Variants in ARSF observed in about 807,000 individuals in gnomAD.
ARSF encodes arylsulfatase F.
In ARSF, 33 loss-of-function variants were observed where a neutral mutation model predicts 35.4. That is an observed-to-expected ratio of 0.93 (90% CI 0.71 to 1.25). The LOEUF (loss-of-function observed/expected upper bound fraction) is 1.25, where lower values mean the gene tolerates loss of function less well. ARSF is among the 50% of genes most tolerant of loss of function. The pLI, the probability that ARSF is intolerant of heterozygous loss-of-function variation, is 0.00. For missense variants in ARSF, 501 were observed against 480.2 expected, an observed-to-expected ratio of 1.04 and a Z score of -0.40; for synonymous variants, 222 against 193.1, an observed-to-expected ratio of 1.15 and a Z score of -1.24.
intron 6 of ARSF, among the ~76,000 whole-genome samples, chrX:3,086,407 G>A (rs756561658): frequency 1.3e-3 from 147 of 112,396 alleles, no homozygotes; most frequent in Admixed American, 2.1e-3. Flanking sequence ...CAATGGTGAA[G>A]AGGAAATATA....
Position 3,089,566 on chromosome X carries a change from G to T in ARSF, c.901G>T (p.Asp301Tyr). Reference sequence around the variant, plus strand: ...GCACACACCTCTCCCCACCACGGACGATTTCACTGGCACCAGCAAGCATGG... The same window carrying T: ...GCACACACCTCTCCCCACCACGGACTATTTCACTGGCACCAGCAAGCATGG... ...HVHTPLPTTD[D>Y]FTGTSKHGLY... Residue 301 changes from aspartate (D) to tyrosine (Y), a missense_variant, in exon 7 of 11, where the codon GAT (aspartate) becomes TAT (tyrosine). Coordinates refer to ENST00000381127, the MANE Select transcript of ARSF (RefSeq NM_001201539.2). The T allele has an allele frequency of 4.1e-6, 5 of 1,211,363 alleles. No homozygotes were observed. The highest frequency in any genetic ancestry group is 5.6e-6 in the Non-Finnish European group (5 of 895,224).
rs760639553 is a variant in ARSF, at chrX:3,051,019, A to T, written c.-29+9356A>T. On this transcript the variant is annotated intron_variant, in intron 1 of 10. Transcript: ENST00000381127. ...GCTGACTGTGACCAATTATTATTTT[A>T]GAGAGACAGTTTAATAACCGCCTGA... Among the ~76,000 whole-genome samples the T allele has an allele frequency of 4.4e-4, 49 of 111,321 alleles. 1 individual carries two copies. Among genetic ancestry groups the T allele is most frequent in the South Asian group, 1.2e-3 (3 of 2,607 alleles).
At chrX:3,067,783 C>T (rs773236566) in intron 1 of ARSF, among the ~76,000 whole-genome samples, 2 of 107,787 alleles carry the variant, frequency 1.9e-5, no homozygotes, top group South Asian at 8.3e-4. Flanking sequence ...GGCTTGAACC[C>T]GGGAGGCAGA....
chrX:3,060,762 G>GA (rs1169656134), intron 1 of ARSF, among the ~76,000 whole-genome samples: 1 of 111,298 alleles, frequency 9.0e-6, no homozygotes, highest in Non-Finnish European at 1.9e-5. Flanking sequence ...GAAGTTTAGA[G>GA]AAAAAAGAGT....
At position 3,109,980 on chromosome X, in the gene ARSF, G is replaced by A. The variant is rs1335567159; in HGVS notation, c.1266-148G>A. Reference sequence around the variant, plus strand: ...GTCCACTGGAGTGTAATCTCCCAGAGAGCATGCATGAGTTTTCCTAAAGAC... The same window carrying A: ...GTCCACTGGAGTGTAATCTCCCAGAAAGCATGCATGAGTTTTCCTAAAGAC... On this transcript the variant is annotated intron_variant, in intron 9 of 10. Coordinates refer to ENST00000381127, the MANE Select transcript of ARSF (RefSeq NM_001201539.2). 3 of 413,522 alleles carry A rather than the reference G, an allele frequency of 7.3e-6. No homozygotes were observed. The East Asian group carries it at 1.5e-4, about 21-fold the overall frequency. The allele number at this position is 413,522 out of a possible 1,213,427, so 34.1% of individuals were successfully genotyped here. A position where few individuals can be genotyped will look rare whatever the true frequency, so the allele number is the denominator to read the frequency against.
chrX:3,093,557 G>A (rs1262873660), intron 7 of ARSF, among the ~76,000 whole-genome samples: 1 of 112,115 alleles, frequency 8.9e-6, no homozygotes, highest in African/African-American at 3.2e-5. Flanking sequence ...ATAGCCTCCA[G>A]CTGTATCCAT....
At chrX:3,080,867 T>C (rs775143829) in intron 4 of ARSF, 24 bp from the exon 5 acceptor site, 1 of 1,208,368 alleles carries the variant, frequency 8.3e-7, no homozygotes, top group East Asian at 3.0e-5. Flanking sequence ...CTACTCATTG[T>C]ACTTTTTTCC....
chrX:3,062,197 T>C (rs1484521954), intron 1 of ARSF, among the ~76,000 whole-genome samples: 1 of 112,289 alleles, frequency 8.9e-6, no homozygotes, highest in Non-Finnish European at 1.9e-5. Flanking sequence ...TGCTCCTGAA[T>C]GACTACTGGG....
chrX:3,103,339 A>G (rs183411767), intron 8 of ARSF, among the ~76,000 whole-genome samples: 4 of 111,648 alleles, frequency 3.6e-5, no homozygotes, highest in Non-Finnish European at 7.5e-5. Context: ...GCCATTTCAA[A>G]TAAAATGTTC....
intron 9 of ARSF, among the ~76,000 whole-genome samples, chrX:3,107,972 C>T (rs1165747613): frequency 1.8e-5 from 2 of 111,709 alleles, no homozygotes; most frequent in African/African-American, 6.5e-5. Flanking sequence ...GCTTATGGTC[C>T]ACATTGAGTT....
At chrX:3,097,623 G>A (rs1031359987) in intron 7 of ARSF, among the ~76,000 whole-genome samples, 13 of 112,115 alleles carry the variant, frequency 1.2e-4, no homozygotes, top group African/African-American at 4.2e-4. Context: ...TATTATTAAT[G>A]CCAAAAGTTG....
chrX:3,092,204 CATACATAG>C (rs1454345993), intron 7 of ARSF, among the ~76,000 whole-genome samples: 5 of 109,487 alleles, frequency 4.6e-5, no homozygotes, highest in African/African-American at 1.0e-4. Context: ...TACATACATA[CATACATAG>C]ATACATAGAT....
Position 3,099,656 on chromosome X carries a change from T to TA in ARSF, c.968-1428dup, listed in dbSNP as rs761711058. Reference sequence around the variant, plus strand: ...TGGTGTCTTCCAGTTTTCTCCACTGTAAAGTTACTTATTTTGTCATTACTT... The same window carrying TA: ...TGGTGTCTTCCAGTTTTCTCCACTGTAAAAGTTACTTATTTTGTCATTACTT... On this transcript the variant is annotated intron_variant, in intron 7 of 10. Coordinates refer to ENST00000381127, the MANE Select transcript of ARSF (RefSeq NM_001201539.2). 3.6e-5 allele frequency among the ~76,000 whole-genome samples: 4 copies of TA among 111,664 alleles called. No homozygotes were observed. In the East Asian group the frequency reaches 1.1e-3, roughly 31 times the overall value.
intron 6 of ARSF, among the ~76,000 whole-genome samples, chrX:3,084,963 A>T (rs1463128282): frequency 8.9e-6 from 1 of 111,754 alleles, no homozygotes; most frequent in Non-Finnish European, 1.9e-5. Flanking sequence ...TAATGCATTA[A>T]TAAAAATAAT....
chrX:3,065,079 T>C (rs974018601), intron 1 of ARSF, among the ~76,000 whole-genome samples: 3 of 111,476 alleles, frequency 2.7e-5, no homozygotes, highest in African/African-American at 9.8e-5. Context: ...ACCTGGCACA[T>C]AGACACCATG....
chrX:3,072,776 TATAA>T (rs1353704427), intron 3 of ARSF, among the ~76,000 whole-genome samples: 1 of 107,976 alleles, frequency 9.3e-6, no homozygotes, highest in Non-Finnish European at 1.9e-5. Context: ...AATGTCATTA[TATAA>T]ATATATGTGA....
At chrX:3,100,923 G>A (rs1452210251) in intron 7 of ARSF, among the ~76,000 whole-genome samples, 164 bp from the exon 8 acceptor site, 1 of 111,932 alleles carries the variant, frequency 8.9e-6, no homozygotes, top group Admixed American at 9.5e-5. Flanking sequence ...TCTTTCAATG[G>A]TTTGTCAATT....
At chrX:3,060,452 T>C in intron 1 of ARSF, among the ~76,000 whole-genome samples, 1 of 111,936 alleles carries the variant, frequency 8.9e-6, no homozygotes, top group South Asian at 3.7e-4. Flanking sequence ...GAAAGCTGGA[T>C]GGAGAATGAC....
At chrX:3,066,079 C>A (rs185263193) in intron 1 of ARSF, among the ~76,000 whole-genome samples, 2 of 111,581 alleles carry the variant, frequency 1.8e-5, no homozygotes, top group Admixed American at 9.6e-5. Flanking sequence ...AACAGAGAGA[C>A]AACCAGTCTC....
Sources: gnomAD v4.1 joint callset for allele counts (sites outside exome capture counted in the v4.1 genomes callset) on GRCh38, gnomAD v4.1.1 for gene constraint, MANE v1.5 for transcripts, NCBI Gene and HGNC (gene_info 2026-07-23, HGNC 2026-07-21) for gene names.